Variants in SYNGR1 observed in about 807,000 individuals in gnomAD.
SYNGR1 encodes synaptogyrin 1, also known as synaptogyrin-1.
In SYNGR1, 14 loss-of-function variants were observed where a neutral mutation model predicts 26.1. That is an observed-to-expected ratio of 0.54 (90% confidence interval 0.35 to 0.84). The LOEUF (loss-of-function observed/expected upper bound fraction) is 0.84. Ranked by LOEUF, SYNGR1 falls within the 40% of genes least tolerant of loss-of-function variation. The pLI is 0.01. For synonymous variants in SYNGR1, 141 were observed against 150.1 expected, an observed-to-expected ratio of 0.94 and a Z score of 0.44; for missense variants, 319 against 332.9, an observed-to-expected ratio of 0.96 and a Z score of 0.33.
intron 1 of SYNGR1, among the ~76,000 whole-genome samples, chr22:39,360,450 C>G (rs1244078121): frequency 1.3e-5 from 2 of 152,166 alleles, no homozygotes; most frequent in Non-Finnish European, 2.9e-5. Flanking sequence ...AGGCTCATTC[C>G]TGACCTTCAC....
chr22:39,360,594 T>C (rs964164265), intron 1 of SYNGR1, among the ~76,000 whole-genome samples: 1 of 152,108 alleles, frequency 6.6e-6, no homozygotes, highest in African/African-American at 2.4e-5. Flanking sequence ...CGCCGCAGAA[T>C]GTGGACACCC....
At chr22:39,366,585 G>A (rs893753975) in intron 1 of SYNGR1, among the ~76,000 whole-genome samples, 5 of 152,068 alleles carry the variant, frequency 3.3e-5, no homozygotes, top group African/African-American at 4.8e-5. Context: ...GGCGGAAGTT[G>A]CAGTGAGCTG....
chr22:39,378,235 G>T, intron 3 of SYNGR1: 1 of 1,035,866 alleles, frequency 9.7e-7, no homozygotes, highest in South Asian at 3.6e-5. Context: ...TGACAAACCC[G>T]TGCACCTCTC....
At chr22:39,358,031 C>T (rs1437539948) in intron 1 of SYNGR1, among the ~76,000 whole-genome samples, 3 of 152,208 alleles carry the variant, frequency 2.0e-5, no homozygotes, top group Non-Finnish European at 2.9e-5. Flanking sequence ...AGCCCCGGTG[C>T]GGGATCCACT....
chr22:39,375,395 G>A, intron 2 of SYNGR1: 1 of 164,898 alleles, frequency 6.1e-6, no homozygotes, highest in Non-Finnish European at 1.3e-5. Context: ...GAGCAGGTCT[G>A]GGCTTCTCTG....
intron 1 of SYNGR1, chr22:39,364,280 G>T (rs1417927123): frequency 6.2e-7 from 1 of 1,613,872 alleles, no homozygotes; most frequent in Non-Finnish European, 8.5e-7. Context: ...AGCTGGAGGA[G>T]CAGGCCCGGA....
chr22:39,378,482 G>C, intron 3 of SYNGR1: 1 of 985,088 alleles, frequency 1.0e-6, no homozygotes, highest in South Asian at 4.7e-5. Flanking sequence ...TTCCTCCAAA[G>C]GATTTTGGTC....
In SYNGR1 at chr22:39,381,901, C is replaced by A; in HGVS notation, c.689C>A (p.Ser230Ter). 1 of 1,611,432 alleles carries A rather than the reference C, an allele frequency of 6.2e-7. No individual in the cohort carries two copies. The highest frequency in any genetic ancestry group is 8.5e-7 in the Non-Finnish European group (1 of 1,179,256). Reference protein sequence around the residue: ...TFDTEPQGYQSQGY With the variant: ...TFDTEPQGYQ Reference sequence around the variant, plus strand: ...GACACCGAGCCCCAGGGCTACCAGTCGCAGGGCTACTGAGCCACAGTGACC... The same window carrying A: ...GACACCGAGCCCCAGGGCTACCAGTAGCAGGGCTACTGAGCCACAGTGACC... Residue 230 changes from serine (S) to a stop codon, truncating the protein, a stop_gained, in exon 4 of 4, where the codon TCG becomes TAG. Coordinates refer to ENST00000328933, the MANE Select transcript of SYNGR1 (RefSeq NM_004711.5). LOFTEE classifies it high-confidence loss of function.
chr22:39,368,781 G>A (rs545880467), intron 1 of SYNGR1, among the ~76,000 whole-genome samples: 62 of 152,296 alleles, frequency 4.1e-4, no homozygotes, highest in Non-Finnish European at 7.5e-4. Context: ...TATTTTCAGC[G>A]CTGGCAGCAG....
At chr22:39,362,837 G>T (rs1601655440) in intron 1 of SYNGR1, among the ~76,000 whole-genome samples, 2 of 152,004 alleles carry the variant, frequency 1.3e-5, no homozygotes, top group Admixed American at 6.5e-5. Context: ...CGTGCTGCCT[G>T]GCCCTCTCTG....
intron 1 of SYNGR1, among the ~76,000 whole-genome samples, chr22:39,356,463 C>T (rs142242031): frequency 0.015 from 2,246 of 152,294 alleles, 30 homozygotes; most frequent in Admixed American, 0.03. Context: ...TCACTGGGAT[C>T]GGAACCCATG....
chr22:39,376,098 C>T lies in SYNGR1; in HGVS notation c.384C>T (p.Asn128=). ...LWFVGFCYLA[N]QWQVSKPKDN... Reference sequence around the variant, plus strand: ...TCGTGGGATTCTGCTACCTGGCCAACCAGTGGCAGGTCTCCAAGCCCAAGG... The same window carrying T: ...TCGTGGGATTCTGCTACCTGGCCAATCAGTGGCAGGTCTCCAAGCCCAAGG... Residue 128 remains asparagine, a synonymous_variant, in exon 3 of 4, where the codon AAC becomes AAT. Transcript: ENST00000328933. 1.9e-6 allele frequency: 3 copies of T among 1,614,226 alleles called. No individual in the cohort carries two copies. The highest frequency in any genetic ancestry group is 2.5e-6 in the Non-Finnish European group (3 of 1,180,050).
rs905953439 is a variant in SYNGR1, at chr22:39,354,390, G to A, written c.99+4281G>A. On this transcript the variant is annotated intron_variant, in intron 1 of 3. Transcript: ENST00000328933. ...CTTGTCAGAGACTTGGTTTGAACCC[G>A]GACTGCTGGGCTCCACATTCTGTGT... is the stretch of plus-strand genomic sequence containing the variant. 7.9e-5 allele frequency among the ~76,000 whole-genome samples: 12 copies of A among 152,164 alleles called. 1 individual carries two copies. In the South Asian group the frequency reaches 8.3e-4, roughly 11 times the overall value.
intron 1 of SYNGR1, among the ~76,000 whole-genome samples, chr22:39,357,284 T>C (rs990688074): frequency 6.6e-6 from 1 of 150,612 alleles, no homozygotes; most frequent in African/African-American, 2.4e-5. Flanking sequence ...AAAAGTGATG[T>C]TTGGAGCCAT....
intron 1 of SYNGR1, among the ~76,000 whole-genome samples, chr22:39,363,257 G>A (rs558540854): frequency 6.6e-6 from 1 of 151,934 alleles, no homozygotes; most frequent in African/African-American, 2.4e-5. Flanking sequence ...AGGGGGCGGT[G>A]GGTGAGCATC....
chr22:39,377,701 C>G, intron 3 of SYNGR1: 1 of 1,612,804 alleles, frequency 6.2e-7, no homozygotes, highest in Non-Finnish European at 8.5e-7. Context: ...GCCTCCCCGG[C>G]TTGCAGAGGC....
At position 39,385,024 on chromosome 22, in the gene SYNGR1, A is replaced by G. The variant is rs1925615126; in HGVS notation, c.*3110A>G. On this transcript the variant is annotated 3_prime_UTR_variant, in exon 4 of 4. Coordinates refer to ENST00000328933, the MANE Select transcript of SYNGR1 (RefSeq NM_004711.5). ...GGGACTGACGTTAGTTCCCTACTCCATCCTTCCCTGGTGATTCTTGATCTT... is the reference window on the plus strand; with the variant it reads ...GGGACTGACGTTAGTTCCCTACTCCGTCCTTCCCTGGTGATTCTTGATCTT... 1 of 398,818 alleles carries G rather than the reference A, an allele frequency of 2.5e-6. No individual in the cohort carries two copies. Among genetic ancestry groups the G allele is most frequent in the Non-Finnish European group, 4.4e-6 (1 of 226,092 alleles). The allele number at this position is 398,818 out of a possible 1,614,324, so 24.7% of individuals were successfully genotyped here.
At chr22:39,354,211 T>C (rs992376624) in intron 1 of SYNGR1, among the ~76,000 whole-genome samples, 1 of 152,250 alleles carries the variant, frequency 6.6e-6, no homozygotes. Context: ...ATAAAATGTT[T>C]GAAATGTTGC....
At chr22:39,359,350 G>C (rs6001555) in intron 1 of SYNGR1, among the ~76,000 whole-genome samples, 2 of 151,994 alleles carry the variant, frequency 1.3e-5, no homozygotes, top group African/African-American at 4.8e-5. Flanking sequence ...GGCCGGGCAC[G>C]GTGGCTCACG....
Sources: allele counts gnomAD v4.1 joint callset (sites outside exome capture counted in the v4.1 genomes callset), GRCh38; gene constraint gnomAD v4.1.1; transcripts MANE v1.5; gene names NCBI Gene and HGNC (gene_info 2026-07-23, HGNC 2026-07-21).